The following ZNF641 variants were observed in gnomAD, a reference collection of about 807,000 sequenced individuals.
ZNF641 encodes the protein zinc finger protein 641.
Under a neutral mutation model 46.2 loss-of-function variants are expected in ZNF641, and 26 were observed. The ratio of observed to expected loss-of-function variants is 0.56; its 90% confidence interval spans 0.41 to 0.78. The LOEUF (loss-of-function observed/expected upper bound fraction) is 0.78. Among genes scored for constraint, ZNF641 ranks in the 30% least tolerant of loss-of-function variants. The pLI is 0.00. For synonymous variants in ZNF641, 163 were observed against 187.9 expected (o/e 0.87, Z 1.09); for missense variants, 469 against 517.8 (o/e 0.91, Z 0.91).
Position 48,342,322 on chromosome 12 carries a change from C to CA in ZNF641, c.*650dup, listed in dbSNP as rs1371223223. ...GATTGGCATAAGGAAGACAGACCCACACATGAACAAGGTCTGGCCCCCCTG... is the reference window on the plus strand; with the variant it reads ...GATTGGCATAAGGAAGACAGACCCACAACATGAACAAGGTCTGGCCCCCCTG... On this transcript the variant is annotated 3_prime_UTR_variant, in exon 6 of 6. Coordinates refer to ENST00000547026, the MANE Select transcript of ZNF641 (RefSeq NM_001172681.2). 2.0e-6 allele frequency: 2 copies of CA among 985,634 alleles called. No homozygotes were observed. The highest frequency in any genetic ancestry group is 2.4e-6 in the Non-Finnish European group (2 of 830,236). 61.1% of individuals were successfully genotyped at this position (985,634 alleles called of 1,614,324 possible). A position where few individuals can be genotyped will look rare whatever the true frequency, so the allele number is the denominator to read the frequency against.
chr12:48,342,836 C>T lies in ZNF641; in HGVS notation c.*137G>A. 2 of 1,446,094 alleles carry T rather than the reference C, an allele frequency of 1.4e-6. No homozygotes were observed. Among genetic ancestry groups the T allele is most frequent in the Non-Finnish European group, 9.0e-7 (1 of 1,104,978 alleles). The allele number at this position is 1,446,094 out of a possible 1,614,324, so 89.6% of individuals were successfully genotyped here. On this transcript the variant is annotated 3_prime_UTR_variant, in exon 6 of 6. Transcript: ENST00000547026. Reference sequence around the variant, plus strand: ...CTGGTGAGAAATGCTCTGGCCATTGCTGGGACCTCATCTTTCTAGGGATGG... The same window carrying T: ...CTGGTGAGAAATGCTCTGGCCATTGTTGGGACCTCATCTTTCTAGGGATGG...
Position 48,343,326 on chromosome 12 carries a change from A to C in ZNF641, c.922T>G (p.Cys308Gly). Residue 308 changes from cysteine (C) to glycine (G), a missense_variant, in exon 6 of 6, where the codon TGC becomes GGC. By Grantham distance (159) the Cys-to-Gly change is radical. Coordinates refer to ENST00000547026, the MANE Select transcript of ZNF641 (RefSeq NM_001172681.2). ...CGGAAATTCTTACCACACTCAGAGC[A>C]CCTGCTGGTCTTGTCATGTAGGTGG... Reference protein sequence around the residue: ...KTHLHDKTSRCSECGKNFRCN... With the variant: ...KTHLHDKTSRGSECGKNFRCN... 6.2e-7 allele frequency: 1 copy of C among 1,613,954 alleles called. No homozygotes were observed. The highest frequency in any genetic ancestry group is 8.5e-7 in the Non-Finnish European group (1 of 1,180,014).
rs1952738378 is a variant in ZNF641, at chr12:48,342,317, A to G, written c.*656T>C. The G allele has an allele frequency of 1.0e-6, 1 of 985,740 alleles. No homozygotes were observed. Among genetic ancestry groups the G allele is most frequent in the Non-Finnish European group, 1.2e-6 (1 of 830,240 alleles). 61.1% of individuals were successfully genotyped at this position (985,740 alleles called of 1,614,324 possible). On this transcript the variant is annotated 3_prime_UTR_variant, in exon 6 of 6. Transcript: ENST00000547026. Reference sequence around the variant, plus strand: ...CTGCTGATTGGCATAAGGAAGACAGACCCACACATGAACAAGGTCTGGCCC... The same window carrying G: ...CTGCTGATTGGCATAAGGAAGACAGGCCCACACATGAACAAGGTCTGGCCC...
Position 48,341,214 on chromosome 12 carries a change from CCT to C in ZNF641, c.*1757_*1758del. 3 of 985,452 alleles carry C rather than the reference CCT, an allele frequency of 3.0e-6. No individual in the cohort carries two copies. Among genetic ancestry groups the C allele is most frequent in the Non-Finnish European group, 3.6e-6 (3 of 829,936 alleles). The allele number at this position is 985,452 out of a possible 1,614,324, so 61.0% of individuals were successfully genotyped here. ...AATTGGTGCAATTCACTTCCTCTTG[CCT>C]CTCTGGTTCATTCCACCAATTGTGG... On this transcript the variant is annotated 3_prime_UTR_variant, in exon 6 of 6. Coordinates refer to ENST00000547026, the MANE Select transcript of ZNF641 (RefSeq NM_001172681.2).
At chr12:48,345,169 T>A (rs1186824678) in intron 4 of ZNF641, among the ~76,000 whole-genome samples, 176 bp downstream of exon 4, 1 of 151,832 alleles carries the variant, frequency 6.6e-6, no homozygotes, top group Non-Finnish European at 1.5e-5. Context: ...TTTTTTTTAA[T>A]GATATTTACT....
chr12:48,349,052 A>C (rs1952959820), intron 1 of ZNF641, among the ~76,000 whole-genome samples: 1 of 152,236 alleles, frequency 6.6e-6, no homozygotes, highest in Admixed American at 6.5e-5. Flanking sequence ...GGGAAAGTTA[A>C]AAATGTCGGA....
At chr12:48,350,372 G>T in intron 1 of ZNF641, 1 of 522,750 alleles carries the variant, frequency 1.9e-6, no homozygotes, top group Non-Finnish European at 3.1e-6. Context: ...ACGGGAGCCT[G>T]CTCAGGGGTA....
intron 3 of ZNF641, 176 bp downstream of exon 3, chr12:48,347,076 C>A: frequency 8.6e-7 from 1 of 1,157,434 alleles, no homozygotes; most frequent in Non-Finnish European, 1.2e-6. Flanking sequence ...TCTTGTAGGT[C>A]CATTTAATTT....
At chr12:48,348,467 A>G (rs1224077861) in intron 1 of ZNF641, among the ~76,000 whole-genome samples, 3 of 152,270 alleles carry the variant, frequency 2.0e-5, no homozygotes, top group Admixed American at 1.3e-4. Context: ...GAAGTACAGG[A>G]AAGTAAGCAA....
downstream of ZNF641, among the ~76,000 whole-genome samples, chr12:48,335,609 T>C (rs1251085751): frequency 6.6e-6 from 1 of 152,202 alleles, no homozygotes; most frequent in African/African-American, 2.4e-5. Context: ...TTATTTTTCA[T>C]TGATAAGCTT....
At position 48,344,668 on chromosome 12, in the gene ZNF641, C is replaced by T. The variant is rs770922314; in HGVS notation, c.451G>A (p.Gly151Arg). The change falls in exon 5 of 6, where the codon GGA (glycine) becomes AGA (arginine). Residue 151 changes from glycine (G) to arginine (R), a missense_variant. Gly to Arg is a moderately radical substitution (Grantham distance 125, BLOSUM62 -2). This residue lies in a region of ZNF641 where 346 missense variants were observed against 354.0 expected (regional missense o/e 0.98). Transcript: ENST00000547026. ...GGGTCAGGGACCCATTGTTCTTCTCCTCCTTCTAGTTGAGAAAGCATGTCC... is the reference window on the plus strand; with the variant it reads ...GGGTCAGGGACCCATTGTTCTTCTCTTCCTTCTAGTTGAGAAAGCATGTCC... ...KLDMLSQLEG[G>R]EEQWVPDPQD... is the part of the protein sequence containing the mutation. The T allele has an allele frequency of 1.2e-6, 2 of 1,613,572 alleles. No individual in the cohort carries two copies. Among genetic ancestry groups the T allele is most frequent in the South Asian group, 1.1e-5 (1 of 90,940 alleles).
chr12:48,346,055 C>T (rs1378605684), intron 3 of ZNF641, among the ~76,000 whole-genome samples: 4 of 152,098 alleles, frequency 2.6e-5, no homozygotes, highest in Non-Finnish European at 5.9e-5. Flanking sequence ...AGGCACCCAC[C>T]ACTACACCCA....
At chr12:48,348,917 T>C (rs567307975) in intron 1 of ZNF641, among the ~76,000 whole-genome samples, 3 of 152,304 alleles carry the variant, frequency 2.0e-5, no homozygotes, top group African/African-American at 7.2e-5. Context: ...AACCTGTTTA[T>C]TTGTCAGGCA....
Position 48,348,082 on chromosome 12 carries a change from T to C in ZNF641, c.9A>G (p.Ser3=). 1.9e-6 allele frequency: 3 copies of C among 1,614,226 alleles called. No individual in the cohort carries two copies. The highest frequency in any genetic ancestry group is 2.5e-6 in the Non-Finnish European group (3 of 1,180,046). ...CTGTCCCCAGCGCTGCTGTCTGTTC[T>C]GAAAGCATTTCTGCTGCAGACCCAA... is the stretch of plus-strand genomic sequence containing the variant. The part of the protein sequence containing the change: ML[S]EQTAALGTGW... The change falls in exon 2 of 6, where the codon TCA becomes TCG. Residue 3 remains serine, a synonymous_variant. Coordinates refer to ENST00000547026, the MANE Select transcript of ZNF641 (RefSeq NM_001172681.2).
intron 5 of ZNF641, 143 bp from the exon 6 acceptor site, chr12:48,343,870 A>C: frequency 1.4e-6 from 1 of 733,568 alleles, no homozygotes; most frequent in Non-Finnish European, 2.1e-6. Context: ...CTAATGTCGT[A>C]CAAGACAGTG....
rs369437436 is a variant in ZNF641, at chr12:48,342,954, G to C, written c.*19C>G. ...GCACCGGCTGATAGACTTGACCATA[G>C]CTGTAGTGGAAACAGATTTCAAAAG... On this transcript the variant is annotated 3_prime_UTR_variant, in exon 6 of 6. Coordinates refer to ENST00000547026, the MANE Select transcript of ZNF641 (RefSeq NM_001172681.2). 8.2e-6 allele frequency: 13 copies of C among 1,590,382 alleles called. No individual in the cohort carries two copies. The African/African-American group carries it at 1.7e-4, about 21-fold the overall frequency.
In ZNF641 at chr12:48,344,676, A is replaced by G. The variant is rs776933927; in HGVS notation, c.443T>C (p.Leu148Pro). ...PIPKLDMLSQ[L>P]EGGEEQWVPD... ...GACCCATTGTTCTTCTCCTCCTTCT[A>G]GTTGAGAAAGCATGTCCAGTTTGGG... The change falls in exon 5 of 6, where the codon CTA (leucine) becomes CCA (proline). Residue 148 changes from leucine to proline, a missense_variant. Leu to Pro is a moderately conservative substitution (Grantham distance 98, BLOSUM62 -3). This residue lies in a region of ZNF641 where 346 missense variants were observed against 354.0 expected (regional missense o/e 0.98). Coordinates refer to ENST00000547026, the MANE Select transcript of ZNF641 (RefSeq NM_001172681.2). 6.2e-7 allele frequency: 1 copy of G among 1,613,184 alleles called. No individual in the cohort carries two copies.
intron 4 of ZNF641, 50 bp from the exon 5 acceptor site, chr12:48,344,762 C>A (rs538971986): frequency 1.9e-6 from 2 of 1,062,496 alleles, no homozygotes; most frequent in South Asian, 1.4e-5. Context: ...AACAGCAATT[C>A]TATATTTCTG....
At chr12:48,345,316 T>G in intron 4 of ZNF641, 29 bp downstream of exon 4, 1 of 1,612,552 alleles carries the variant, frequency 6.2e-7, no homozygotes, top group Non-Finnish European at 8.5e-7. Context: ...GAGTCCAATC[T>G]TCTAGTGGCT....
Sources: gnomAD v4.1 joint callset for allele counts (sites outside exome capture counted in the v4.1 genomes callset) on GRCh38, gnomAD v4.1.1 for gene constraint, gnomAD v4.1.1 regional missense constraint, MANE v1.5 for transcripts, NCBI Gene and HGNC (gene_info 2026-07-23, HGNC 2026-07-21) for gene names.